EIF4G3: variants seen among roughly 807,000 people sequenced by gnomAD.
The protein encoded by EIF4G3 is eukaryotic translation initiation factor 4 gamma 3.
EIF4G3 carries 34 observed loss-of-function variants against 186.4 expected under a neutral mutation model. The ratio of observed to expected loss-of-function variants is 0.18; its 90% confidence interval spans 0.14 to 0.24. The LOEUF (loss-of-function observed/expected upper bound fraction) is 0.24. Ranked by LOEUF, EIF4G3 falls within the 10% of genes least tolerant of loss-of-function variation. The probability of loss-of-function intolerance (pLI) is 1.00; values close to 1 mark genes in which losing one functional copy is unlikely to be tolerated. For missense variants in EIF4G3, 1,536 were observed against 1,948.5 expected, an observed-to-expected ratio of 0.79 and a Z score of 3.99; for synonymous variants, 673 against 679.5, an observed-to-expected ratio of 0.99 and a Z score of 0.15.
intron 10 of EIF4G3, 80 bp downstream of exon 10, chr1:20,980,254 T>C: frequency 1.0e-6 from 1 of 969,258 alleles, no homozygotes; most frequent in Non-Finnish European, 1.5e-6. Context: ...CTAAACCTCA[T>C]TGTATAAACC....
chr1:20,823,003 A>G (rs2062781533), intron 33 of EIF4G3, among the ~76,000 whole-genome samples: 1 of 151,932 alleles, frequency 6.6e-6, no homozygotes, highest in Non-Finnish European at 1.5e-5. Flanking sequence ...TCTGGCTTTC[A>G]TGGTTGCTAC....
At chr1:20,984,246 A>G (rs1028937988) in intron 7 of EIF4G3, among the ~76,000 whole-genome samples, 2 of 151,530 alleles carry the variant, frequency 1.3e-5, no homozygotes, top group African/African-American at 4.9e-5. Context: ...GCTCACTGCA[A>G]CCTCCACTTC....
At chr1:20,878,985 A>G (rs901806171) in intron 20 of EIF4G3, among the ~76,000 whole-genome samples, 1 of 152,222 alleles carries the variant, frequency 6.6e-6, no homozygotes, top group Non-Finnish European at 1.5e-5. Flanking sequence ...TAAATGTGAA[A>G]GCACGCATTT....
rs546688154 is a variant in EIF4G3, at chr1:21,045,958, C to T, written c.-67+4908G>A. On this transcript the variant is annotated intron_variant, in intron 4 of 36. Transcript: ENST00000602326. ...TCTCATCTAACAAAAGCTGCTCATT[C>T]ACAAAGAAGAAAACTGGGCATTAAT... Among the ~76,000 whole-genome samples the T allele has an allele frequency of 6.6e-5, 10 of 152,256 alleles. No homozygotes were observed. The South Asian group carries it at 2.1e-3, about 32-fold the overall frequency.
At chr1:21,126,637 C>T (rs2097051509) in intron 2 of EIF4G3, among the ~76,000 whole-genome samples, 1 of 151,780 alleles carries the variant, frequency 6.6e-6, no homozygotes, top group South Asian at 2.1e-4. Context: ...CCAACCTGGG[C>T]TACCACAGAA....
chr1:20,945,009 CAAACA>C (rs201926748), intron 13 of EIF4G3, among the ~76,000 whole-genome samples: 1 of 151,956 alleles, frequency 6.6e-6, no homozygotes, highest in Non-Finnish European at 1.5e-5. Context: ...GACTCTATCT[CAAACA>C]AAACAAAACA....
At chr1:21,046,550 T>C (rs529203872) in intron 4 of EIF4G3, among the ~76,000 whole-genome samples, 1 of 152,216 alleles carries the variant, frequency 6.6e-6, no homozygotes, top group South Asian at 2.1e-4. Flanking sequence ...TAGACCTTAG[T>C]AGATTGAGGG....
intron 7 of EIF4G3, among the ~76,000 whole-genome samples, chr1:20,991,237 C>G (rs1031048932): frequency 6.6e-6 from 1 of 152,078 alleles, no homozygotes; most frequent in Non-Finnish European, 1.5e-5. Flanking sequence ...TTGTTCAATA[C>G]AGGAGCCACA....
chr1:21,083,369 G>C (rs149357864), intron 3 of EIF4G3, among the ~76,000 whole-genome samples: 646 of 151,970 alleles, frequency 4.3e-3, no homozygotes, highest in Non-Finnish European at 6.7e-3. Context: ...TGGAGACAAC[G>C]GTTTCACTCT....
At chr1:21,078,000 G>A (rs962706148) in intron 3 of EIF4G3, among the ~76,000 whole-genome samples, 5 of 151,950 alleles carry the variant, frequency 3.3e-5, no homozygotes, top group South Asian at 4.1e-4. Flanking sequence ...ATAAAGGTTC[G>A]TGAAAAAACT....
chr1:21,089,243 T>A (rs1360108597), intron 2 of EIF4G3, 30 bp from the exon 3 acceptor site: 1 of 709,676 alleles, frequency 1.4e-6, no homozygotes, highest in Non-Finnish European at 2.6e-6. Context: ...ATAAGAGAAT[T>A]CAAAAATGGA....
At chr1:21,083,491 T>C (rs2095860678) in intron 3 of EIF4G3, among the ~76,000 whole-genome samples, 1 of 151,230 alleles carries the variant, frequency 6.6e-6, no homozygotes, top group South Asian at 2.1e-4. Context: ...CACACACTTT[T>C]TTTTTTTTTT....
intron 4 of EIF4G3, among the ~76,000 whole-genome samples, chr1:21,036,402 C>T (rs1352396220): frequency 1.3e-5 from 2 of 152,112 alleles, no homozygotes; most frequent in East Asian, 3.9e-4. Context: ...GCAAAGGTGC[C>T]ACAGGCCACA....
intron 12 of EIF4G3, among the ~76,000 whole-genome samples, chr1:20,956,617 C>CA (rs61623629): frequency 0.072 from 8,201 of 114,442 alleles, 563 homozygotes; most frequent in East Asian, 0.23. Context: ...GTATAATTTA[C>CA]AAAAAAAAAA....
intron 3 of EIF4G3, among the ~76,000 whole-genome samples, chr1:21,084,448 A>C (rs1228172014): frequency 1.3e-5 from 2 of 152,164 alleles, no homozygotes; most frequent in East Asian, 3.9e-4. Context: ...TCACAAGAAC[A>C]GCATGGGGAA....
intron 17 of EIF4G3, 55 bp from the exon 18 acceptor site, chr1:20,893,691 C>A: frequency 1.4e-6 from 2 of 1,420,040 alleles, no homozygotes; most frequent in South Asian, 1.7e-5. Flanking sequence ...TTCCCTGCCA[C>A]AAAAGATAAC....
chr1:20,913,451 T>C (rs1236764647), intron 14 of EIF4G3, among the ~76,000 whole-genome samples: 3 of 152,086 alleles, frequency 2.0e-5, no homozygotes, highest in African/African-American at 2.4e-5. Flanking sequence ...GGCAGGAGGA[T>C]TGCTTGAGCC....
At chr1:21,103,476 G>A (rs2096562492) in intron 2 of EIF4G3, among the ~76,000 whole-genome samples, 1 of 152,124 alleles carries the variant, frequency 6.6e-6, no homozygotes, top group Non-Finnish European at 1.5e-5. Flanking sequence ...TTTATCTGGA[G>A]ATGAATGGGT....
intron 2 of EIF4G3, among the ~76,000 whole-genome samples, chr1:21,108,364 T>C (rs1305494437): frequency 7.2e-5 from 11 of 152,154 alleles, no homozygotes; most frequent in Non-Finnish European, 1.5e-4. Context: ...ATGTAATATA[T>C]ATAAACATGT....
Sources: allele counts gnomAD v4.1 joint callset (sites outside exome capture counted in the v4.1 genomes callset), GRCh38; gene constraint gnomAD v4.1.1; transcripts MANE v1.5; gene names NCBI Gene and HGNC (gene_info 2026-07-23, HGNC 2026-07-21).